KLHL32: variants seen among roughly 807,000 people sequenced by gnomAD.
KLHL32 encodes the protein kelch-like protein 32.
In KLHL32, 35 loss-of-function variants were observed where a neutral mutation model predicts 64.8. The ratio of observed to expected loss-of-function variants is 0.54; its 90% CI spans 0.41 to 0.72. The LOEUF (loss-of-function observed/expected upper bound fraction) is 0.72. Among genes scored for constraint, KLHL32 ranks in the 30% least tolerant of loss-of-function variants. KLHL32 has a pLI of 0.00. For synonymous variants in KLHL32, 259 were observed against 281.0 expected, an observed-to-expected ratio of 0.92 and a Z score of 0.78; for missense variants, 589 against 768.5, an observed-to-expected ratio of 0.77 and a Z score of 2.76.
intron 1 of KLHL32, among the ~76,000 whole-genome samples, chr6:96,961,495 T>C (rs1471277491): frequency 6.6e-6 from 1 of 152,222 alleles, no homozygotes; most frequent in African/African-American, 2.4e-5. Context: ...CCCCTTTTGT[T>C]ACTGGCTGGG....
At chr6:96,960,580 C>T (rs1398808059) in intron 1 of KLHL32, among the ~76,000 whole-genome samples, 6 of 152,078 alleles carry the variant, frequency 3.9e-5, no homozygotes, top group Admixed American at 6.5e-5. Flanking sequence ...CATGAATAAA[C>T]CAGTGTTGGC....
rs1396202475 is a variant in KLHL32 at position 97,020,184 on chromosome 6, A to ATTGG, written c.205-21308_205-21307insTTGG. On this transcript the variant is annotated intron_variant, in intron 3 of 10. Transcript: ENST00000369261. ...TCTCAAACTCCTGACCTCATGATCC[A>ATTGG]CCCGCTTCGGCCTCCCAAAGTGCTG... Among the ~76,000 whole-genome samples, 1,219 of 143,824 alleles carry ATTGG rather than the reference A, an allele frequency of 8.5e-3. 22 individuals are homozygous for ATTGG. Among genetic ancestry groups the ATTGG allele is most frequent in the African/African-American group, 0.032 (1,118 of 34,980 alleles). The allele number at this position is 143,824 out of a possible 152,430, so 94.4% of individuals were successfully genotyped here. A position where few individuals can be genotyped will look rare whatever the true frequency, so the allele number is the denominator to read the frequency against.
intron 2 of KLHL32, among the ~76,000 whole-genome samples, chr6:96,967,711 C>T (rs183316737): frequency 6.6e-5 from 10 of 151,968 alleles, no homozygotes; most frequent in East Asian, 1.9e-4. Context: ...TATTCTATGG[C>T]GAAAACAGAC....
chr6:97,089,911 A>G (rs1793984191), intron 6 of KLHL32, among the ~76,000 whole-genome samples: 1 of 152,178 alleles, frequency 6.6e-6, no homozygotes, highest in Non-Finnish European at 1.5e-5. Flanking sequence ...TTTGCTGGCT[A>G]TGTGAGTGGC....
chr6:96,939,356 G>A (rs1771000248), intron 1 of KLHL32, among the ~76,000 whole-genome samples: 1 of 152,214 alleles, frequency 6.6e-6, no homozygotes. Flanking sequence ...TCAGTGGTGA[G>A]GAAGATAGTC....
In KLHL32 at chr6:97,103,678, C is replaced by A. The variant is rs1380557911; in HGVS notation, c.628-10105C>A. ...CCTAGGGAGAGTGACTATGATGTAA[C>A]CTAGTTCTCTGCATTGGCCCCACGT... On this transcript the variant is annotated intron_variant, in intron 6 of 10. Transcript: ENST00000369261. Among the ~76,000 whole-genome samples, 4 of 152,130 alleles carry A rather than the reference C, an allele frequency of 2.6e-5. No homozygotes were observed. In the East Asian group the frequency reaches 7.7e-4, roughly 29 times the overall value.
chr6:96,992,609 C>T (rs1285385834), intron 3 of KLHL32, among the ~76,000 whole-genome samples: 1 of 152,188 alleles, frequency 6.6e-6, no homozygotes, highest in African/African-American at 2.4e-5. Flanking sequence ...TCAATACGTG[C>T]GCGCATGTGA....
At chr6:97,052,208 C>T (rs1056572149) in intron 4 of KLHL32, among the ~76,000 whole-genome samples, 1 of 152,174 alleles carries the variant, frequency 6.6e-6, no homozygotes. Flanking sequence ...GAAGTAGTCT[C>T]CTGTCTGCCC....
intron 7 of KLHL32, among the ~76,000 whole-genome samples, chr6:97,121,001 G>A (rs1158474848): frequency 1.3e-5 from 2 of 152,156 alleles, no homozygotes; most frequent in African/African-American, 2.4e-5. Flanking sequence ...GCTTGTTAGA[G>A]AGCTAAATGA....
intron 1 of KLHL32, among the ~76,000 whole-genome samples, chr6:96,951,166 C>T (rs1368028759): frequency 6.6e-6 from 1 of 151,918 alleles, no homozygotes; most frequent in Admixed American, 6.6e-5. Flanking sequence ...CTCACATGGT[C>T]TCGGTTTGAT....
At chr6:97,111,993 C>G (rs1340818171) in intron 6 of KLHL32, among the ~76,000 whole-genome samples, 1 of 151,616 alleles carries the variant, frequency 6.6e-6, no homozygotes, top group Non-Finnish European at 1.5e-5. Flanking sequence ...CACTTCTCCT[C>G]TCTGCTGGCT....
At chr6:96,942,732 A>T (rs1033390746) in intron 1 of KLHL32, among the ~76,000 whole-genome samples, 10 of 150,060 alleles carry the variant, frequency 6.7e-5, no homozygotes, top group African/African-American at 2.2e-4. Context: ...ATTCTCAAGG[A>T]AGAAGAGAGA....
chr6:97,072,884 A>G (rs753244897), intron 5 of KLHL32, among the ~76,000 whole-genome samples: 1 of 152,128 alleles, frequency 6.6e-6, no homozygotes, highest in African/African-American at 2.4e-5. Context: ...ACATAAGTTT[A>G]TGTCCCAAAG....
intron 6 of KLHL32, among the ~76,000 whole-genome samples, chr6:97,111,294 G>C (rs1797100136): frequency 6.6e-6 from 1 of 152,254 alleles, no homozygotes; most frequent in East Asian, 1.9e-4. Context: ...GACAAGAAGA[G>C]ACAGATCTGC....
chr6:96,899,071 A>G, the KLHL32 span, among the ~76,000 whole-genome samples: 2 of 152,248 alleles, frequency 1.3e-5, no homozygotes, highest in Non-Finnish European at 2.9e-5. Context: ...TAATGTAATC[A>G]TTAAGTATAA....
At chr6:97,058,169 G>T (rs1399247492) in intron 4 of KLHL32, among the ~76,000 whole-genome samples, 1 of 152,028 alleles carries the variant, frequency 6.6e-6, no homozygotes, top group Non-Finnish European at 1.5e-5. Context: ...GTCTTGAAGC[G>T]GGTATTGTCA....
chr6:96,906,760 T>C, the KLHL32 span, among the ~76,000 whole-genome samples: 1 of 152,214 alleles, frequency 6.6e-6, no homozygotes, highest in African/African-American at 2.4e-5. Flanking sequence ...AGTATAGTCA[T>C]CTATTTTTTC....
chr6:96,961,989 G>A (rs919542721), intron 1 of KLHL32, among the ~76,000 whole-genome samples: 9 of 152,244 alleles, frequency 5.9e-5, no homozygotes, highest in African/African-American at 1.7e-4. Context: ...AGTCAGAGAC[G>A]TTACCCATAA....
At chr6:97,089,517 G>T (rs904204411) in intron 6 of KLHL32, among the ~76,000 whole-genome samples, 2 of 151,894 alleles carry the variant, frequency 1.3e-5, no homozygotes, top group African/African-American at 4.8e-5. Context: ...GGTGGCTTAC[G>T]CCTGTAATCC....
Sources: gnomAD v4.1 joint callset for allele counts (sites outside exome capture counted in the v4.1 genomes callset) on GRCh38, gnomAD v4.1.1 for gene constraint, MANE v1.5 for transcripts, NCBI Gene and HGNC (gene_info 2026-07-23, HGNC 2026-07-21) for gene names.